The following MTAP variants were observed in gnomAD, a reference collection of about 807,000 sequenced individuals.
MTAP encodes methylthioadenosine phosphorylase, also known as S-methyl-5'-thioadenosine phosphorylase.
Under a neutral mutation model 33.6 loss-of-function variants are expected in MTAP, and 33 were observed. The ratio of observed to expected loss-of-function variants is 0.98; its 90% confidence interval spans 0.74 to 1.31. The LOEUF is 1.31. Among genes scored for constraint, MTAP ranks in the 40% most tolerant of loss-of-function variants. The pLI, the probability that MTAP is intolerant of heterozygous loss-of-function variation, is 0.00. For missense variants in MTAP, 367 were observed against 360.0 expected, an observed-to-expected ratio of 1.02 and a Z score of -0.16; for synonymous variants, 148 against 125.7, an observed-to-expected ratio of 1.18 and a Z score of -1.19.
At chr9:21,802,851 C>A (rs1824086160) in intron 1 of MTAP, 70 bp downstream of exon 1, 13 of 1,592,170 alleles carry the variant, frequency 8.2e-6, no homozygotes, top group East Asian at 2.3e-5. Flanking sequence ...GCCGGGGGAC[C>A]GCGCCTCCGG....
chr9:21,828,210 C>T (rs1824871996), intron 4 of MTAP, among the ~76,000 whole-genome samples: 1 of 152,210 alleles, frequency 6.6e-6, no homozygotes, highest in African/African-American at 2.4e-5. Context: ...AACCTGCCCT[C>T]TTAATGTTTC....
intron 1 of MTAP, chr9:21,930,351 G>C (rs1246648703): frequency 4.8e-6 from 1 of 206,478 alleles, no homozygotes; most frequent in African/African-American, 2.3e-5. Context: ...GGAGCCTTCT[G>C]TGTTTGTGGC....
chr9:21,913,976 G>T (rs1416815981), intron 1 of MTAP, among the ~76,000 whole-genome samples: 1 of 152,174 alleles, frequency 6.6e-6, no homozygotes, highest in African/African-American at 2.4e-5. Context: ...CAAAGGATAT[G>T]AACAGACACT....
Position 21,866,493 on chromosome 9 carries a change from ACTACTCACTTAATTACCTTGC to A in MTAP, c.*4487_*4507del, listed in dbSNP as rs1448000795. Reference sequence around the variant, plus strand: ...CCCTTGTCAAAATCATTTAATTTTGACTACTCACTTAATTACCTTGCCTACTCATTTAATTACCTGTGTGCC... The same window carrying A: ...CCCTTGTCAAAATCATTTAATTTTGACTACTCATTTAATTACCTGTGTGCC... On this transcript the variant is annotated 3_prime_UTR_variant, in exon 8 of 8. Transcript: ENST00000644715. 1 of 151,446 alleles carries A rather than the reference ACTACTCACTTAATTACCTTGC, an allele frequency of 6.6e-6. No individual in the cohort carries two copies. The highest frequency in any genetic ancestry group is 2.4e-5 in the African/African-American group (1 of 41,178). 9.4% of individuals were successfully genotyped at this position (151,446 alleles called of 1,614,324 possible). A position where few individuals can be genotyped will look rare whatever the true frequency, so the allele number is the denominator to read the frequency against.
rs1359112902 is a variant in MTAP, at chr9:21,802,686, T to C, written c.-63T>C. On this transcript the variant is annotated 5_prime_UTR_variant, in exon 1 of 8. Transcript: ENST00000644715. ...TGAGGTTGGCACAGCCACCGCTCTGTGGCTCGCTTGGTTCCCTTAGTCCCG... is the reference window on the plus strand; with the variant it reads ...TGAGGTTGGCACAGCCACCGCTCTGCGGCTCGCTTGGTTCCCTTAGTCCCG... The C allele has an allele frequency of 1.3e-6, 2 of 1,572,490 alleles. No individual in the cohort carries two copies. The highest frequency in any genetic ancestry group is 1.9e-5 in the Admixed American group (1 of 53,578).
At chr9:21,850,016 A>G (rs1410664471) in intron 5 of MTAP, among the ~76,000 whole-genome samples, 3 of 152,170 alleles carry the variant, frequency 2.0e-5, no homozygotes, top group Admixed American at 1.3e-4. Flanking sequence ...GGGTATATCA[A>G]CTCTTCAGTT....
At chr9:21,817,952 C>A in intron 3 of MTAP, 83 bp from the exon 4 acceptor site, 2 of 1,329,290 alleles carry the variant, frequency 1.5e-6, no homozygotes, top group East Asian at 2.6e-5. Context: ...GCTAGAGAAT[C>A]ACTTAATTTT....
intron 1 of MTAP, among the ~76,000 whole-genome samples, chr9:21,883,386 G>T (rs1818049389): frequency 6.6e-6 from 1 of 152,088 alleles, no homozygotes; most frequent in Admixed American, 6.6e-5. Context: ...CTCCAAGTTT[G>T]GGCAAAGATG....
intron 4 of MTAP, among the ~76,000 whole-genome samples, chr9:21,837,697 G>A (rs1338933917): frequency 6.6e-6 from 1 of 152,110 alleles, no homozygotes; most frequent in African/African-American, 2.4e-5. Flanking sequence ...AATTCTTGTT[G>A]TGCGGTGTGT....
intron 1 of MTAP, among the ~76,000 whole-genome samples, chr9:21,914,877 A>T (rs1818649129): frequency 6.6e-6 from 1 of 151,764 alleles, no homozygotes; most frequent in African/African-American, 2.4e-5. Flanking sequence ...GAAATTGCCT[A>T]TTTTGGACAT....
At chr9:21,878,142 G>C (rs1826037535) in intron 1 of MTAP, among the ~76,000 whole-genome samples, 1 of 152,086 alleles carries the variant, frequency 6.6e-6, no homozygotes, top group Non-Finnish European at 1.5e-5. Context: ...TGTGTTCATA[G>C]GGGTGTTTAT....
chr9:21,837,262 T>G (rs1014851476), intron 4 of MTAP, among the ~76,000 whole-genome samples: 6 of 152,194 alleles, frequency 3.9e-5, no homozygotes, highest in African/African-American at 1.4e-4. Flanking sequence ...AAGTGGCTCT[T>G]TATTTCAGTG....
At position 21,862,239 on chromosome 9, in the gene MTAP, G is replaced by T; in HGVS notation, c.*225G>T. On this transcript the variant is annotated 3_prime_UTR_variant, in exon 8 of 8. Transcript: ENST00000644715. The stretch of plus-strand genomic sequence containing the variant: ...AAGCAAATGACTAGTAAACATGTGG[G>T]AAAAAATATTACATTTTAAGGGGGA... 1 of 1,131,310 alleles carries T rather than the reference G, an allele frequency of 8.8e-7. No individual in the cohort carries two copies. Among genetic ancestry groups the T allele is most frequent in the Non-Finnish European group, 1.1e-6 (1 of 880,112 alleles). 70.1% of individuals were successfully genotyped at this position (1,131,310 alleles called of 1,614,324 possible).
At chr9:21,871,727 C>T (rs1587265636), downstream of MTAP, among the ~76,000 whole-genome samples, 1 of 152,160 alleles carries the variant, frequency 6.6e-6, no homozygotes, top group Admixed American at 6.5e-5. Flanking sequence ...TCAGAGCAGT[C>T]CACAGCAAAT....
intron 1 of MTAP, among the ~76,000 whole-genome samples, chr9:21,812,813 G>T (rs190533982): frequency 1.3e-5 from 2 of 152,340 alleles, no homozygotes; most frequent in East Asian, 3.8e-4. Context: ...GGGATATTGG[G>T]AGAGGGCACA....
At position 21,864,652 on chromosome 9, in the gene MTAP, G is replaced by A. The variant is rs556394357; in HGVS notation, c.*2638G>A. 65 of 985,548 alleles carry A rather than the reference G, an allele frequency of 6.6e-5. No individual in the cohort carries two copies. In the East Asian group the frequency reaches 7.9e-4, roughly 12 times the overall value. 61.1% of individuals were successfully genotyped at this position (985,548 alleles called of 1,614,324 possible). On this transcript the variant is annotated 3_prime_UTR_variant, in exon 8 of 8. Transcript: ENST00000644715. ...GCCCCCTTCGCTAGCACGAGTTGCTGTGCAGGGCTGGAGGTAGCTACCATG... is the reference window on the plus strand; with the variant it reads ...GCCCCCTTCGCTAGCACGAGTTGCTATGCAGGGCTGGAGGTAGCTACCATG...
intron 1 of MTAP, among the ~76,000 whole-genome samples, chr9:21,926,348 C>A (rs748700153): frequency 3.5e-5 from 5 of 141,896 alleles, no homozygotes; most frequent in Non-Finnish European, 7.4e-5. Context: ...TTAAAAAGAG[C>A]AATGGAGCAA....
At position 21,862,093 on chromosome 9, in the gene MTAP, T is replaced by A. The variant is rs375813031; in HGVS notation, c.*79T>A. The A allele has an allele frequency of 1.1e-5, 17 of 1,608,058 alleles. No homozygotes were observed. In the South Asian group the frequency reaches 1.6e-4, roughly 15 times the overall value. On this transcript the variant is annotated 3_prime_UTR_variant, in exon 8 of 8. Coordinates refer to ENST00000644715, the MANE Select transcript of MTAP (RefSeq NM_002451.4). Reference sequence around the variant, plus strand: ...GAATTCCTGCTTAACTTGAAAAAAATATGGGAAAGACATGCAGCTTTCATG... The same window carrying A: ...GAATTCCTGCTTAACTTGAAAAAAAAATGGGAAAGACATGCAGCTTTCATG...
chr9:21,924,398 C>T lies in MTAP; in HGVS notation c.148-6610C>T, dbSNP rs557092659. On this transcript the variant is annotated intron_variant, in intron 1 of 1. Transcript: ENST00000577563. ...TCACAGCCTGGTTTTAATACAAGCT[C>T]CAGGAGCAGGAATCTTGACCAGAAA... Among the ~76,000 whole-genome samples the T allele has an allele frequency of 1.2e-3, 188 of 152,272 alleles. 11 individuals carry two copies. In the South Asian group the frequency reaches 0.038, roughly 31 times the overall value.
Sources: gnomAD v4.1 joint callset for allele counts (sites outside exome capture counted in the v4.1 genomes callset) on GRCh38, gnomAD v4.1.1 for gene constraint, MANE v1.5 for transcripts, NCBI Gene and HGNC (gene_info 2026-07-23, HGNC 2026-07-21) for gene names.